COL22A1: variants seen among roughly 807,000 people sequenced by gnomAD.
COL22A1 encodes the protein collagen alpha-1(XXII) chain.
COL22A1 carries 221 observed loss-of-function variants against 248.9 expected under a neutral mutation model. The ratio of observed to expected loss-of-function variants is 0.89; its 90% CI spans 0.80 to 0.99. The LOEUF is 0.99. Ranked by LOEUF, COL22A1 falls within the 50% of genes least tolerant of loss-of-function variation. The pLI, the probability that COL22A1 is intolerant of heterozygous loss-of-function variation, is 0.00. For missense variants in COL22A1, 2,240 were observed against 2,179.0 expected (o/e 1.03, Z -0.56); for synonymous variants, 891 against 793.4 (o/e 1.12, Z -2.07).
chr8:138,805,266 A>ATG (rs1193834115), intron 10 of COL22A1, among the ~76,000 whole-genome samples: 35 of 98,546 alleles, frequency 3.6e-4, no homozygotes, highest in African/African-American at 1.0e-3. Context: ...GTGAGCATGC[A>ATG]TGTGTGTGTG....
intron 11 of COL22A1, among the ~76,000 whole-genome samples, chr8:138,800,146 G>A (rs1213118125): frequency 2.0e-5 from 3 of 152,182 alleles, no homozygotes; most frequent in Admixed American, 6.5e-5. Context: ...TTGGAACGGT[G>A]CCCTGGCTGG....
At chr8:138,680,191 C>T (rs373874822) in intron 39 of COL22A1, among the ~76,000 whole-genome samples, 3 of 152,282 alleles carry the variant, frequency 2.0e-5, no homozygotes, top group African/African-American at 7.2e-5. Flanking sequence ...GAATCGGTAG[C>T]ACAGTGTCCA....
chr8:138,674,842 C>T (rs545519508), intron 41 of COL22A1, among the ~76,000 whole-genome samples: 1 of 152,136 alleles, frequency 6.6e-6, no homozygotes, highest in African/African-American at 2.4e-5. Flanking sequence ...AGAAGGGGCC[C>T]TATTAAAGGA....
chr8:138,647,132 T>G lies in COL22A1; in HGVS notation c.3448-450A>C, dbSNP rs186959069. On this transcript the variant is annotated intron_variant, in intron 46 of 64. Transcript: ENST00000303045. ...ACTTTTTCTATCTAACCACTCATTT[T>G]GGGGAAAACCAGTTTCCACGTCTTG... 2.8e-3 allele frequency among the ~76,000 whole-genome samples: 425 copies of G among 152,288 alleles called. 3 individuals carry two copies. Among genetic ancestry groups the G allele is most frequent in the Non-Finnish European group, 4.6e-3 (310 of 68,010 alleles).
At chr8:138,884,011 T>C (rs1259359186) in intron 1 of COL22A1, among the ~76,000 whole-genome samples, 1 of 152,164 alleles carries the variant, frequency 6.6e-6, no homozygotes, top group Non-Finnish European at 1.5e-5. Context: ...ATGCTGCACT[T>C]GGTAGCCATG....
At chr8:138,837,554 C>A (rs1381026729) in intron 4 of COL22A1, among the ~76,000 whole-genome samples, 1 of 152,188 alleles carries the variant, frequency 6.6e-6, no homozygotes. Context: ...GGCTCCCAGG[C>A]AGGCCCAGTG....
intron 3 of COL22A1, among the ~76,000 whole-genome samples, chr8:138,845,749 G>A (rs895718644): frequency 1.3e-5 from 2 of 152,040 alleles, no homozygotes; most frequent in African/African-American, 4.8e-5. Context: ...TTGTCACAGG[G>A]CTGCTTTGAG....
intron 56 of COL22A1, among the ~76,000 whole-genome samples, chr8:138,611,734 T>C (rs1818879652): frequency 6.6e-6 from 1 of 152,250 alleles, no homozygotes; most frequent in African/African-American, 2.4e-5. Flanking sequence ...TCAGCTCATC[T>C]GAGTCATTGT....
intron 63 of COL22A1, among the ~76,000 whole-genome samples, chr8:138,592,935 C>T (rs1353275580): frequency 2.0e-5 from 3 of 152,136 alleles, no homozygotes; most frequent in Non-Finnish European, 4.4e-5. Context: ...TATTGCAGCA[C>T]TATTTACAAT....
chr8:138,849,540 C>T (rs1252557120), intron 3 of COL22A1, among the ~76,000 whole-genome samples: 1 of 152,238 alleles, frequency 6.6e-6, no homozygotes, highest in Non-Finnish European at 1.5e-5. Context: ...TTCTTGGCCA[C>T]TGCATGATGC....
chr8:138,691,908 G>GT, intron 35 of COL22A1, among the ~76,000 whole-genome samples: 1 of 59,640 alleles, frequency 1.7e-5, no homozygotes, highest in South Asian at 6.4e-4. Flanking sequence ...ATGTGTGCAC[G>GT]TGCATGTGTG....
chr8:138,590,513 A>G (rs1816951377), intron 64 of COL22A1, among the ~76,000 whole-genome samples: 1 of 152,200 alleles, frequency 6.6e-6, no homozygotes, highest in Admixed American at 6.5e-5. Flanking sequence ...AAGCTATTTG[A>G]AAATAGGTGA....
chr8:138,831,705 C>T (rs1181259849), intron 5 of COL22A1, among the ~76,000 whole-genome samples: 1 of 152,166 alleles, frequency 6.6e-6, no homozygotes. Flanking sequence ...GAGGATGAGC[C>T]AGGAGGCCAC....
chr8:138,686,034 G>A (rs1054574603), intron 37 of COL22A1, among the ~76,000 whole-genome samples: 1 of 152,108 alleles, frequency 6.6e-6, no homozygotes, highest in African/African-American at 2.4e-5. Context: ...GCATTCCTTT[G>A]TCAGGTAGCT....
intron 41 of COL22A1, among the ~76,000 whole-genome samples, chr8:138,668,422 A>G (rs2130746282): frequency 6.6e-6 from 1 of 152,330 alleles, no homozygotes; most frequent in African/African-American, 2.4e-5. Context: ...ATGCACATAT[A>G]TATCACACAT....
rs566973574 is a variant in COL22A1 at position 138,854,996 on chromosome 8, CAGAT to C, written c.659-10842_659-10839del. Among the ~76,000 whole-genome samples the C allele has an allele frequency of 1.9e-3, 296 of 152,204 alleles. 2 individuals are homozygous for C. The highest frequency in any genetic ancestry group is 6.8e-3 in the African/African-American group (284 of 41,518). ...GGTGGGAGGGGAGGATGGGTCTACTCAGATAGCCAGCAGTCAAGAGACTGGCTCT... is the reference window on the plus strand; with the variant it reads ...GGTGGGAGGGGAGGATGGGTCTACTCAGCCAGCAGTCAAGAGACTGGCTCT... On this transcript the variant is annotated intron_variant, in intron 3 of 64. Coordinates refer to ENST00000303045, the MANE Select transcript of COL22A1 (RefSeq NM_152888.3).
At chr8:138,851,107 G>A (rs1274712290) in intron 3 of COL22A1, among the ~76,000 whole-genome samples, 3 of 152,216 alleles carry the variant, frequency 2.0e-5, no homozygotes, top group African/African-American at 7.2e-5. Context: ...GCCATGGTGT[G>A]CAGGCTGTGC....
intron 13 of COL22A1, 48 bp from the exon 14 acceptor site, chr8:138,779,610 C>A (rs764169485): frequency 2.1e-5 from 28 of 1,314,222 alleles, no homozygotes; most frequent in South Asian, 5.9e-5. Flanking sequence ...GACACAGGCC[C>A]AGGTACACCA....
chr8:138,805,586 G>T (rs568665515), intron 10 of COL22A1, among the ~76,000 whole-genome samples: 6 of 142,506 alleles, frequency 4.2e-5, no homozygotes, highest in African/African-American at 1.6e-4. Flanking sequence ...TATGTGTGAT[G>T]GTATGTGTTT....
Sources: gnomAD v4.1 joint callset for allele counts (sites outside exome capture counted in the v4.1 genomes callset) on GRCh38, gnomAD v4.1.1 for gene constraint, MANE v1.5 for transcripts, NCBI Gene and HGNC (gene_info 2026-07-23, HGNC 2026-07-21) for gene names.